Variants in IKZF4 observed in about 807,000 individuals in gnomAD.
IKZF4 encodes the protein IKAROS family zinc finger 4.
A neutral mutation model predicts 47.7 loss-of-function variants in IKZF4; 11 were observed. The observed-to-expected ratio is 0.23, with a 90% CI of 0.15 to 0.38. The LOEUF is 0.38. Ranked by LOEUF, IKZF4 falls within the 10% of genes least tolerant of loss-of-function variation. The pLI, the probability that IKZF4 is intolerant of heterozygous loss-of-function variation, is 1.00. For synonymous variants in IKZF4, 298 were observed against 299.4 expected (o/e 1.00, Z 0.05); for missense variants, 557 against 784.9 (o/e 0.71, Z 3.47).
chr12:56,032,545 C>A lies in IKZF4; in HGVS notation c.716-16C>A. The A allele has an allele frequency of 6.2e-7, 1 of 1,601,138 alleles. No individual in the cohort carries two copies. The highest frequency in any genetic ancestry group is 2.2e-5 in the East Asian group (1 of 44,606). On this transcript the variant is annotated splice_polypyrimidine_tract_variant and intron_variant, in intron 5 of 7. Coordinates refer to ENST00000547167, the MANE Select transcript of IKZF4 (RefSeq NM_022465.4). Reference sequence around the variant, plus strand: ...GAGAAATAGCTCTGATGCCATCTTTCCACTCTCCTCCACAGTCTCCTCTCC... The same window carrying A: ...GAGAAATAGCTCTGATGCCATCTTTACACTCTCCTCCACAGTCTCCTCTCC...
intron 3 of IKZF4, 93 bp downstream of exon 3, chr12:56,025,251 G>A (rs1356137282): frequency 9.0e-6 from 12 of 1,329,204 alleles, no homozygotes; most frequent in South Asian, 1.5e-5. Flanking sequence ...TTTCCCCATC[G>A]TCACCTCCTG....
At position 56,027,893 on chromosome 12, in the gene IKZF4, A is replaced by G. The variant is rs755967108; in HGVS notation, c.661A>G (p.Asn221Asp). 1.9e-6 allele frequency: 3 copies of G among 1,602,944 alleles called. No individual in the cohort carries two copies. Among genetic ancestry groups the G allele is most frequent in the Non-Finnish European group, 2.6e-6 (3 of 1,174,116 alleles). Residue 221 changes from asparagine (N) to aspartate (D), a missense_variant, in exon 5 of 8, where the codon AAC becomes GAC. Coordinates refer to ENST00000547167, the MANE Select transcript of IKZF4 (RefSeq NM_022465.4). ...GEKPFKCPFC[N>D]YACRRRDALT... is the part of the protein sequence containing the mutation. Reference sequence around the variant, plus strand: ...GAAGCCCTTTAAATGTCCCTTCTGCAACTATGCCTGCCGCCGGCGTGATGC... The same window carrying G: ...GAAGCCCTTTAAATGTCCCTTCTGCGACTATGCCTGCCGCCGGCGTGATGC...
At position 56,021,499 on chromosome 12, in the gene IKZF4, T is replaced by G; in HGVS notation, c.6T>G (p.His2Gln). 6.2e-7 allele frequency: 1 copy of G among 1,602,860 alleles called. No individual in the cohort carries two copies. Among genetic ancestry groups the G allele is most frequent in the South Asian group, 1.1e-5 (1 of 88,952 alleles). ...CCTGCCACTGAGACGCAGACATGCA[T>G]ACACCACCCGCACTCCCTCGCCGTT... M[H>Q]TPPALPRRFQ... is the part of the protein sequence containing the mutation. The change falls in exon 1 of 8, where the codon CAT becomes CAG. Residue 2 changes from histidine to glutamine, a missense_variant. Coordinates refer to ENST00000547167, the MANE Select transcript of IKZF4 (RefSeq NM_022465.4).
At chr12:56,023,245 A>T (rs1893377802) in intron 1 of IKZF4, among the ~76,000 whole-genome samples, 1 of 152,364 alleles carries the variant, frequency 6.6e-6, no homozygotes, top group Admixed American at 6.5e-5. Flanking sequence ...CAAGGCCTCA[A>T]AGCCAAGTGC....
chr12:56,018,206 G>A, upstream of IKZF4: 1 of 1,287,756 alleles, frequency 7.8e-7, no homozygotes, highest in Non-Finnish European at 1.0e-6. Context: ...CTATTTGTTA[G>A]GGGCTGGAAG....
In IKZF4 at chr12:56,035,277, G is replaced by A; in HGVS notation, c.1704G>A (p.Gln568=). 6.2e-7 allele frequency: 1 copy of A among 1,614,056 alleles called. No homozygotes were observed. The highest frequency in any genetic ancestry group is 8.5e-7 in the Non-Finnish European group (1 of 1,179,932). Residue 568 remains glutamine, a synonymous_variant, in exon 8 of 8, where the codon CAG becomes CAA. Coordinates refer to ENST00000547167, the MANE Select transcript of IKZF4 (RefSeq NM_022465.4). The surrounding 1 kb of genome is among the most constrained non-coding windows in gnomAD (Gnocchi z 6.1). ...GCAACATCTGTGGTTATCACAGCCAGGACCGGTACGAATTCTCTTCCCACA... is the reference window on the plus strand; with the variant it reads ...GCAACATCTGTGGTTATCACAGCCAAGACCGGTACGAATTCTCTTCCCACA... ...FECNICGYHS[Q]DRYEFSSHIV...
chr12:56,029,296 A>G lies in IKZF4; in HGVS notation c.715+1349A>G, dbSNP rs2136685676. 1.3e-5 allele frequency among the ~76,000 whole-genome samples: 2 copies of G among 152,372 alleles called. 1 individual carries two copies. The highest frequency in any genetic ancestry group is 4.1e-4 in the South Asian group (2 of 4,828). On this transcript the variant is annotated intron_variant, in intron 5 of 7. Coordinates refer to ENST00000547167, the MANE Select transcript of IKZF4 (RefSeq NM_022465.4). ...TAGCCCAGTCAAGACTGTTTGAATC[A>G]GTATCTGTCTGAATCAGCTGGACAG...
At chr12:56,026,619 G>T (rs925343128) in intron 3 of IKZF4, among the ~76,000 whole-genome samples, 162 bp from the exon 4 acceptor site, 2 of 151,096 alleles carry the variant, frequency 1.3e-5, no homozygotes, top group Admixed American at 1.3e-4. Flanking sequence ...AATCTGGGAG[G>T]TGGAGGTTGC....
At position 56,037,328 on chromosome 12, in the gene IKZF4, G is replaced by A. The variant is rs1389267487; in HGVS notation, c.*1997G>A. The A allele has an allele frequency of 6.6e-6, 1 of 152,630 alleles. No homozygotes were observed. Among genetic ancestry groups the A allele is most frequent in the Non-Finnish European group, 1.5e-5 (1 of 68,042 alleles). The allele number at this position is 152,630 out of a possible 1,614,324, so 9.5% of individuals were successfully genotyped here. On this transcript the variant is annotated 3_prime_UTR_variant, in exon 8 of 8. Transcript: ENST00000547167. Reference sequence around the variant, plus strand: ...AGATGCTGCCAAGGGCAGAAAATGGGGAGGTTAGCTCAGAGCAGAGTAGTC... The same window carrying A: ...AGATGCTGCCAAGGGCAGAAAATGGAGAGGTTAGCTCAGAGCAGAGTAGTC...
At chr12:56,021,030 C>A, upstream of IKZF4, 1 of 1,040,530 alleles carries the variant, frequency 9.6e-7, no homozygotes, top group Non-Finnish European at 1.2e-6. Flanking sequence ...ATCTCTCTCT[C>A]TCTCTCTTGC....
rs58171486 is a variant in IKZF4 at position 56,031,443 on chromosome 12, A to T, written c.716-1118A>T. The stretch of plus-strand genomic sequence containing the variant: ...GGTTGGAGGATCATTCCTCTCCCAG[A>T]TGTTAAACTGTTTCCCCAAGGGTCT... On this transcript the variant is annotated intron_variant, in intron 5 of 7. Coordinates refer to ENST00000547167, the MANE Select transcript of IKZF4 (RefSeq NM_022465.4). 1.7e-3 allele frequency among the ~76,000 whole-genome samples: 263 copies of T among 152,292 alleles called. 1 individual carries two copies. The highest frequency in any genetic ancestry group is 6.1e-3 in the African/African-American group (253 of 41,550).
intron 6 of IKZF4, 120 bp downstream of exon 6, chr12:56,032,830 A>ACTGGGGTAATCAT: frequency 8.4e-7 from 1 of 1,185,024 alleles, no homozygotes; most frequent in Non-Finnish European, 1.2e-6. Context: ...GGGGATGATT[A>ACTGGGGTAATCAT]CCCCAGTAAA....
At chr12:56,030,296 GGCACACACCT>G (rs1436869168) in intron 5 of IKZF4, among the ~76,000 whole-genome samples, 1 of 151,990 alleles carries the variant, frequency 6.6e-6, no homozygotes, top group Non-Finnish European at 1.5e-5. Flanking sequence ...TAGGTGTGGT[GGCACACACCT>G]GTAGTCCCAG....
chr12:56,009,213 TC>T (rs1891065419), intron 1 of IKZF4, among the ~76,000 whole-genome samples: 1 of 152,158 alleles, frequency 6.6e-6, no homozygotes, highest in African/African-American at 2.4e-5. Flanking sequence ...GAAGCCTGTC[TC>T]CCCTTACTGA....
At chr12:56,033,671 C>T (rs533172364) in intron 7 of IKZF4, among the ~76,000 whole-genome samples, 3 of 152,058 alleles carry the variant, frequency 2.0e-5, no homozygotes, top group South Asian at 4.1e-4. Context: ...CGCGCCACTG[C>T]ACTCCATCCA....
At chr12:56,027,745 A>T (rs1343443023) in intron 4 of IKZF4, 35 bp from the exon 5 acceptor site, 1 of 1,602,668 alleles carries the variant, frequency 6.2e-7, no homozygotes, top group Non-Finnish European at 8.5e-7. Context: ...AGTTCCTCAC[A>T]TGCAGTCCTC....
upstream of IKZF4, among the ~76,000 whole-genome samples, chr12:56,016,597 T>C (rs1482153243): frequency 6.7e-6 from 1 of 149,878 alleles, no homozygotes; most frequent in Non-Finnish European, 1.5e-5. Context: ...TAATTTTGTT[T>C]TGTTTTGTTT....
intron 5 of IKZF4, 156 bp from the exon 6 acceptor site, chr12:56,032,405 G>A (rs1895037222): frequency 8.9e-6 from 6 of 675,032 alleles, no homozygotes; most frequent in Non-Finnish European, 1.5e-5. Flanking sequence ...GTCCGCGGTT[G>A]CAGTTGAAGT....
In IKZF4 at chr12:56,037,484, A is replaced by T. The variant is rs1419308293; in HGVS notation, c.*2153A>T. 6.6e-6 allele frequency: 1 copy of T among 152,124 alleles called. No individual in the cohort carries two copies. Among genetic ancestry groups the T allele is most frequent in the Non-Finnish European group, 1.5e-5 (1 of 68,048 alleles). The allele number at this position is 152,124 out of a possible 1,614,324, so 9.4% of individuals were successfully genotyped here. On this transcript the variant is annotated 3_prime_UTR_variant, in exon 8 of 8. Coordinates refer to ENST00000547167, the MANE Select transcript of IKZF4 (RefSeq NM_022465.4). Reference sequence around the variant, plus strand: ...TTATTGAGCCCTTCCTGTTAGACCTACCGCCTCCCACCTCTTCTGTGTCTG... The same window carrying T: ...TTATTGAGCCCTTCCTGTTAGACCTTCCGCCTCCCACCTCTTCTGTGTCTG...
Sources: gnomAD v4.1 joint callset for allele counts (sites outside exome capture counted in the v4.1 genomes callset) on GRCh38, gnomAD v4.1.1 for gene constraint, Gnocchi (gnomAD v3.1) non-coding constraint, MANE v1.5 for transcripts, NCBI Gene and HGNC (gene_info 2026-07-23, HGNC 2026-07-21) for gene names.